RELN: variants seen among roughly 807,000 people sequenced by gnomAD.
RELN encodes reelin.
RELN carries 108 observed loss-of-function variants against 427.6 expected under a neutral mutation model. The observed-to-expected ratio is 0.25, with a 90% confidence interval of 0.22 to 0.30. The LOEUF (loss-of-function observed/expected upper bound fraction) is 0.30, where lower values mean the gene tolerates loss of function less well. RELN is among the 10% of genes least tolerant of loss of function. The pLI is 1.00. For synonymous variants in RELN, 1,524 were observed against 1,513.4 expected (o/e 1.01, Z -0.16); for missense variants, 3,715 against 4,302.8 (o/e 0.86, Z 3.82).
At chr7:103,737,828 A>T (rs1440609206) in intron 6 of RELN, among the ~76,000 whole-genome samples, 1 of 152,162 alleles carries the variant, frequency 6.6e-6, no homozygotes, top group African/African-American at 2.4e-5. Context: ...GATTCTAGCA[A>T]TCCAATGCAA....
Position 103,497,943 on chromosome 7 carries a change from T to G in RELN, c.8844-17A>C. The G allele has an allele frequency of 3.1e-6, 5 of 1,611,198 alleles. No individual in the cohort carries two copies. The highest frequency in any genetic ancestry group is 4.2e-6 in the Non-Finnish European group (5 of 1,177,448). On this transcript the variant is annotated splice_polypyrimidine_tract_variant and intron_variant, in intron 54 of 64. Coordinates refer to ENST00000428762, the MANE Select transcript of RELN (RefSeq NM_005045.4). ...TGCAGGAACCTGAATGCAAGCACAT[T>G]TTATCCATCAGAATAATTCATTAGA...
At chr7:103,793,353 G>A (rs898701068) in intron 3 of RELN, among the ~76,000 whole-genome samples, 2 of 152,172 alleles carry the variant, frequency 1.3e-5, no homozygotes, top group Admixed American at 6.5e-5. Context: ...TGTGTACCAT[G>A]TTTTGATAAA....
At chr7:103,698,338 CACTAAGT>C (rs767233766) in intron 9 of RELN, among the ~76,000 whole-genome samples, 1 of 151,992 alleles carries the variant, frequency 6.6e-6, no homozygotes, top group Non-Finnish European at 1.5e-5. Context: ...ACAAGTCAGG[CACTAAGT>C]ATGTTCAAAT....
At chr7:103,493,803 G>C (rs1221054798) in intron 57 of RELN, among the ~76,000 whole-genome samples, 1 of 152,176 alleles carries the variant, frequency 6.6e-6, no homozygotes, top group Non-Finnish European at 1.5e-5. Context: ...AGAGAGGAAA[G>C]AGAAGGTGGG....
At chr7:103,644,202 C>T (rs1043285188) in intron 16 of RELN, among the ~76,000 whole-genome samples, 1 of 151,618 alleles carries the variant, frequency 6.6e-6, no homozygotes. Context: ...TGGAAGCATG[C>T]AAAAACAGAG....
intron 10 of RELN, among the ~76,000 whole-genome samples, chr7:103,684,936 G>C (rs964429073): frequency 7.9e-5 from 12 of 151,948 alleles, no homozygotes; most frequent in Non-Finnish European, 7.4e-5. Flanking sequence ...AAATTCTTTG[G>C]ATCAACTTAA....
chr7:103,649,987 C>A (rs1832879128), intron 16 of RELN, among the ~76,000 whole-genome samples: 1 of 151,694 alleles, frequency 6.6e-6, no homozygotes, highest in African/African-American at 2.4e-5. Flanking sequence ...TTAGGATATC[C>A]CTTGTCATCA....
intron 64 of RELN, among the ~76,000 whole-genome samples, chr7:103,476,877 T>C (rs965241361): frequency 4.6e-5 from 7 of 152,198 alleles, no homozygotes; most frequent in African/African-American, 1.7e-4. Context: ...AAATAAGAAG[T>C]GCAATGAACT....
chr7:103,768,842 C>T (rs1485101039), intron 4 of RELN, among the ~76,000 whole-genome samples: 2 of 152,104 alleles, frequency 1.3e-5, no homozygotes, highest in African/African-American at 2.4e-5. Flanking sequence ...TCCTTCGATT[C>T]TTGAGAAGGG....
intron 1 of RELN, among the ~76,000 whole-genome samples, chr7:103,978,537 G>A (rs1229268537): frequency 6.6e-6 from 1 of 152,204 alleles, no homozygotes; most frequent in Non-Finnish European, 1.5e-5. Context: ...TGTAGAAAGA[G>A]TTAGGAATGA....
At position 103,737,818 on chromosome 7, in the gene RELN, G is replaced by C. The variant is rs531597596; in HGVS notation, c.657-9611C>G. The stretch of plus-strand genomic sequence containing the variant: ...AATGGAAATGTTCTAGTCTTTTCTT[G>C]ATTCTAGCAATCCAATGCAATGCCA... On this transcript the variant is annotated intron_variant, in intron 6 of 64. Coordinates refer to ENST00000428762, the MANE Select transcript of RELN (RefSeq NM_005045.4). Among the ~76,000 whole-genome samples, 8 of 152,236 alleles carry C rather than the reference G, an allele frequency of 5.3e-5. No individual in the cohort carries two copies. The South Asian group carries it at 1.7e-3, about 32-fold the overall frequency.
Position 103,596,659 on chromosome 7 carries a change from A to G in RELN, c.3336T>C (p.Ala1112=). The G allele has an allele frequency of 6.2e-7, 1 of 1,613,844 alleles. No individual in the cohort carries two copies. Among genetic ancestry groups the G allele is most frequent in the Non-Finnish European group, 8.5e-7 (1 of 1,179,786 alleles). The change falls in exon 25 of 65, where the codon GCT becomes GCC. Residue 1112 remains alanine (A), a splice_region_variant and synonymous_variant. Transcript: ENST00000428762. ...SSGSSLYFSK[A]GKRQLVSWDL... is the part of the protein sequence containing the mutation. Reference sequence around the variant, plus strand: ...CCCAACTCACCAGCTGTCTTTTCCCAGCCTTTCAGAAAAGAAGAAAAATCA... The same window carrying G: ...CCCAACTCACCAGCTGTCTTTTCCCGGCCTTTCAGAAAAGAAGAAAAATCA...
chr7:103,772,198 G>A (rs897771752), intron 4 of RELN, among the ~76,000 whole-genome samples: 6 of 152,170 alleles, frequency 3.9e-5, no homozygotes, highest in Admixed American at 3.9e-4. Context: ...ATTGTGAGAA[G>A]CTTTAGAGAT....
At chr7:103,823,229 T>C (rs1793052873) in intron 3 of RELN, among the ~76,000 whole-genome samples, 1 of 118,990 alleles carries the variant, frequency 8.4e-6, no homozygotes, top group South Asian at 2.5e-4. Flanking sequence ...TGCCATTATG[T>C]TTAGTTTTAT....
At chr7:103,623,013 G>A (rs1832253909) in intron 20 of RELN, among the ~76,000 whole-genome samples, 1 of 152,144 alleles carries the variant, frequency 6.6e-6, no homozygotes, top group African/African-American at 2.4e-5. Flanking sequence ...TCCTCATGGT[G>A]CAAAAGCTAA....
intron 25 of RELN, among the ~76,000 whole-genome samples, chr7:103,595,695 A>G (rs1304537497): frequency 1.3e-5 from 2 of 152,134 alleles, no homozygotes; most frequent in African/African-American, 4.8e-5. Flanking sequence ...TCAACATACA[A>G]AAAATTATTT....
chr7:103,899,313 C>CA (rs1293418008), intron 2 of RELN, among the ~76,000 whole-genome samples: 5 of 151,776 alleles, frequency 3.3e-5, no homozygotes, highest in Non-Finnish European at 5.9e-5. Context: ...GCCTACCAAC[C>CA]AAAAAAAGTC....
chr7:103,967,893 A>T (rs1020385155), intron 1 of RELN, among the ~76,000 whole-genome samples: 4 of 152,056 alleles, frequency 2.6e-5, no homozygotes, highest in African/African-American at 7.2e-5. Flanking sequence ...TTGTAACTAC[A>T]CTCTAACAAC....
intron 6 of RELN, among the ~76,000 whole-genome samples, chr7:103,735,391 A>C (rs1002312013): frequency 4.6e-5 from 7 of 152,142 alleles, no homozygotes; most frequent in African/African-American, 1.2e-4. Context: ...ATTAGGCATG[A>C]AAATATGCTC....
Sources: allele counts gnomAD v4.1 joint callset (sites outside exome capture counted in the v4.1 genomes callset), GRCh38; gene constraint gnomAD v4.1.1; transcripts MANE v1.5; gene names NCBI Gene and HGNC (gene_info 2026-07-23, HGNC 2026-07-21).